The following MMS22L variants were observed in gnomAD, a reference collection of about 807,000 sequenced individuals.
The protein encoded by MMS22L is MMS22 like, DNA repair protein.
In MMS22L, 74 loss-of-function variants were observed where a neutral mutation model predicts 159.1. The ratio of observed to expected loss-of-function variants is 0.47; its 90% CI spans 0.39 to 0.56. The LOEUF (loss-of-function observed/expected upper bound fraction) is 0.56, where lower values mean the gene tolerates loss of function less well. Among genes scored for constraint, MMS22L ranks in the 20% least tolerant of loss-of-function variants. MMS22L has a pLI of 0.00. For synonymous variants in MMS22L, 517 were observed against 506.9 expected (o/e 1.02, Z -0.27); for missense variants, 1,351 against 1,422.1 (o/e 0.95, Z 0.80).
At chr6:97,200,288 C>T (rs932367928) in intron 14 of MMS22L, among the ~76,000 whole-genome samples, 2 of 152,076 alleles carry the variant, frequency 1.3e-5, no homozygotes, top group African/African-American at 4.8e-5. Context: ...ATACCACATA[C>T]ATTCCCTATA....
At chr6:97,216,569 G>A (rs1001816029) in intron 14 of MMS22L, among the ~76,000 whole-genome samples, 2 of 152,078 alleles carry the variant, frequency 1.3e-5, no homozygotes, top group African/African-American at 4.8e-5. Flanking sequence ...AGTCAGAGAA[G>A]AGTTAACTTT....
chr6:97,192,925 A>C (rs1806045976), intron 14 of MMS22L, among the ~76,000 whole-genome samples: 1 of 152,226 alleles, frequency 6.6e-6, no homozygotes, highest in Non-Finnish European at 1.5e-5. Flanking sequence ...CTTAGTAAGC[A>C]GCAGAGCCAG....
chr6:97,181,109 A>G (rs923931970), intron 16 of MMS22L, among the ~76,000 whole-genome samples: 3 of 152,216 alleles, frequency 2.0e-5, no homozygotes, highest in Non-Finnish European at 4.4e-5. Context: ...AGGGCTTATT[A>G]TAACTAGCTA....
At chr6:97,274,447 T>C (rs1816057186) in intron 4 of MMS22L, among the ~76,000 whole-genome samples, 1 of 151,970 alleles carries the variant, frequency 6.6e-6, no homozygotes, top group South Asian at 2.1e-4. Context: ...AGTAAAATAA[T>C]CAGATTGCTC....
At chr6:97,237,426 C>T (rs1179784653) in intron 11 of MMS22L, among the ~76,000 whole-genome samples, 1 of 152,172 alleles carries the variant, frequency 6.6e-6, no homozygotes, top group Non-Finnish European at 1.5e-5. Flanking sequence ...CTTCAAACTA[C>T]AAGTTCTCCA....
chr6:97,220,086 T>G (rs1809469640), intron 14 of MMS22L, among the ~76,000 whole-genome samples: 1 of 152,192 alleles, frequency 6.6e-6, no homozygotes, highest in Non-Finnish European at 1.5e-5. Context: ...GTCCTCAGCT[T>G]CAGCTCTGCT....
chr6:97,269,058 A>G (rs766915506), intron 7 of MMS22L, among the ~76,000 whole-genome samples: 56 of 152,134 alleles, frequency 3.7e-4, no homozygotes, highest in Non-Finnish European at 6.5e-4. Flanking sequence ...CCACAAGGAT[A>G]AAAGATATTT....
In MMS22L at chr6:97,281,324, T is replaced by C; in HGVS notation, c.203A>G (p.Glu68Gly). ...LNLDPLPTNFEEDTLEIFGIQ... is the reference protein window; with the variant it reads ...LNLDPLPTNFGEDTLEIFGIQ... ...GCCAAATATTTCCAAGGTATCTTCT[T>C]CAAAATTAGTTGGTAAAGGGTCAAG... is the stretch of plus-strand genomic sequence containing the variant. The change falls in exon 3 of 25, where the codon GAA becomes GGA. Residue 68 changes from glutamate to glycine, a missense_variant. Coordinates refer to ENST00000683635, the MANE Select transcript of MMS22L (RefSeq NM_001350599.2). 6.2e-7 allele frequency: 1 copy of C among 1,608,768 alleles called. No individual in the cohort carries two copies. Among genetic ancestry groups the C allele is most frequent in the Non-Finnish European group, 8.5e-7 (1 of 1,177,916 alleles).
chr6:97,217,422 T>G (rs1459144855), intron 14 of MMS22L, among the ~76,000 whole-genome samples: 2 of 151,784 alleles, frequency 1.3e-5, no homozygotes, highest in Non-Finnish European at 2.9e-5. Flanking sequence ...CCCAGCTAAT[T>G]TTTTGTATTT....
intron 10 of MMS22L, among the ~76,000 whole-genome samples, chr6:97,248,400 AATAAAT>A (rs1479106464): frequency 4.5e-5 from 1 of 22,440 alleles, no homozygotes; most frequent in Non-Finnish European, 2.4e-4. Flanking sequence ...AGTGTGAGAT[AATAAAT>A]GTTTGTTTTA....
intron 14 of MMS22L, among the ~76,000 whole-genome samples, chr6:97,206,242 T>C (rs140434728): frequency 2.6e-4 from 39 of 152,238 alleles, no homozygotes; most frequent in African/African-American, 8.7e-4. Flanking sequence ...ATTGAAATGA[T>C]TTTTAATTTC....
intron 14 of MMS22L, among the ~76,000 whole-genome samples, chr6:97,206,578 T>C (rs1365929574): frequency 6.6e-6 from 1 of 152,184 alleles, no homozygotes; most frequent in African/African-American, 2.4e-5. Context: ...TCAATGGTGT[T>C]TGTATCTATC....
intron 14 of MMS22L, among the ~76,000 whole-genome samples, chr6:97,204,094 C>T (rs920834207): frequency 6.6e-5 from 10 of 152,044 alleles, no homozygotes; most frequent in Admixed American, 6.5e-4. Context: ...ACTGATGCTC[C>T]GAAAAAATTT....
Position 97,145,927 on chromosome 6 carries a change from A to G in MMS22L, c.*879T>C, listed in dbSNP as rs1800908306. The G allele has an allele frequency of 6.6e-6, 1 of 152,168 alleles. No homozygotes were observed. The highest frequency in any genetic ancestry group is 6.5e-5 in the Admixed American group (1 of 15,272). 9.4% of individuals were successfully genotyped at this position (152,168 alleles called of 1,614,324 possible). A position where few individuals can be genotyped will look rare whatever the true frequency, so the allele number is the denominator to read the frequency against. ...CAAAAGTTGAGAAACAATGTTGTTA[A>G]AGGAAACTAAACAGGTTTCTTGGAT... On this transcript the variant is annotated 3_prime_UTR_variant, in exon 25 of 25. Coordinates refer to ENST00000683635, the MANE Select transcript of MMS22L (RefSeq NM_001350599.2).
intron 4 of MMS22L, among the ~76,000 whole-genome samples, chr6:97,276,454 G>T (rs1816253630): frequency 7.0e-6 from 1 of 143,348 alleles, no homozygotes; most frequent in Non-Finnish European, 1.5e-5. Flanking sequence ...AAAGGTAAAG[G>T]TATTTTGGTT....
Position 97,231,472 on chromosome 6 carries a change from C to T in MMS22L, c.1483G>A (p.Ala495Thr). 1 of 1,613,642 alleles carries T rather than the reference C, an allele frequency of 6.2e-7. No homozygotes were observed. The highest frequency in any genetic ancestry group is 8.5e-7 in the Non-Finnish European group (1 of 1,179,774). ...GGATGAGGGCCATTGCTCTTCATTG[C>T]TTTTTTAACAACTTTTGCCAGAATA... is the stretch of plus-strand genomic sequence containing the variant. ...LCILAKVVKK[A>T]MKSNGPHPWK... The change falls in exon 13 of 25, where the codon GCA becomes ACA. Residue 495 changes from alanine to threonine, a missense_variant. Ala to Thr is a moderately conservative substitution (Grantham distance 58, BLOSUM62 0). Transcript: ENST00000683635.
At chr6:97,209,968 T>C (rs1232947544) in intron 14 of MMS22L, among the ~76,000 whole-genome samples, 1 of 151,852 alleles carries the variant, frequency 6.6e-6, no homozygotes, top group Non-Finnish European at 1.5e-5. Context: ...ATATCAACTT[T>C]AAAGAGAAAA....
intron 14 of MMS22L, among the ~76,000 whole-genome samples, chr6:97,208,512 A>G (rs1808029743): frequency 6.6e-6 from 1 of 152,102 alleles, no homozygotes; most frequent in African/African-American, 2.4e-5. Flanking sequence ...TGAACAGGGC[A>G]AACAAGAAGG....
At chr6:97,158,425 T>TC (rs1448880654) in intron 22 of MMS22L, among the ~76,000 whole-genome samples, 41 of 152,240 alleles carry the variant, frequency 2.7e-4, no homozygotes, top group African/African-American at 9.1e-4. Flanking sequence ...TTTAGATCTT[T>TC]CTGCTTTCTC....
Sources: gnomAD v4.1 joint callset for allele counts (sites outside exome capture counted in the v4.1 genomes callset) on GRCh38, gnomAD v4.1.1 for gene constraint, MANE v1.5 for transcripts, NCBI Gene and HGNC (gene_info 2026-07-23, HGNC 2026-07-21) for gene names.